Variants in NEXN observed in about 807,000 individuals in gnomAD.
NEXN encodes the protein nexilin F-actin binding protein.
In NEXN, 65 loss-of-function variants were observed where a neutral mutation model predicts 92.6. The ratio of observed to expected loss-of-function variants is 0.70; its 90% CI spans 0.57 to 0.86. NEXN has a LOEUF of 0.86. Among genes scored for constraint, NEXN ranks in the 40% least tolerant of loss-of-function variants. NEXN has a pLI of 0.00. For synonymous variants in NEXN, 254 were observed against 242.5 expected (o/e 1.05, Z -0.44); for missense variants, 778 against 771.1 (o/e 1.01, Z -0.11).
rs1649868049 is a variant in NEXN, at chr1:77,926,625, T to G, written c.687+14T>G. ...TCATTAGTTATGGTAAATTTTTGTT[T>G]GTTTGTTTTCTAAGAAACAAATCAA... On this transcript the variant is annotated intron_variant, in intron 7 of 12. Coordinates refer to ENST00000334785, the MANE Select transcript of NEXN (RefSeq NM_144573.4). 6.2e-7 allele frequency: 1 copy of G among 1,613,892 alleles called. No homozygotes were observed. The highest frequency in any genetic ancestry group is 8.5e-7 in the Non-Finnish European group (1 of 1,179,934).
chr1:77,937,086 G>C (rs1650826082), intron 11 of NEXN, among the ~76,000 whole-genome samples: 2 of 138,044 alleles, frequency 1.4e-5, no homozygotes, highest in African/African-American at 6.0e-5. Context: ...GAGGTGGGTG[G>C]GTCACTTGAG....
At chr1:77,936,299 ATT>A (rs1164666813) in intron 11 of NEXN, among the ~76,000 whole-genome samples, 1 of 152,166 alleles carries the variant, frequency 6.6e-6, no homozygotes, top group African/African-American at 2.4e-5. Context: ...GTTCAAAAAT[ATT>A]TTTTGGCTGG....
chr1:77,912,681 A>C (rs1414276959), intron 1 of NEXN, among the ~76,000 whole-genome samples: 3 of 152,246 alleles, frequency 2.0e-5, no homozygotes, highest in African/African-American at 7.2e-5. Flanking sequence ...CAAAGGAGCA[A>C]AGGCAATAAA....
rs747557772 is a variant in NEXN, at chr1:77,942,157, G to A, written c.1608G>A (p.Lys536=). The change falls in exon 12 of 13, where the codon AAG becomes AAA. Residue 536 remains lysine (K), a synonymous_variant. Transcript: ENST00000334785. ...AACAAAGAAGAATTGAAGAACAAAA[G>A]TTACTACGCATGCAGTTTGAACAAA... is the stretch of plus-strand genomic sequence containing the variant. ...EEEQRRIEEQ[K]LLRMQFEQRE... is the part of the protein sequence containing the mutation. 1 of 1,613,762 alleles carries A rather than the reference G, an allele frequency of 6.2e-7. No homozygotes were observed. The highest frequency in any genetic ancestry group is 8.5e-7 in the Non-Finnish European group (1 of 1,179,736).
chr1:77,900,669 C>T (rs1179703921), intron 1 of NEXN, among the ~76,000 whole-genome samples: 3 of 152,184 alleles, frequency 2.0e-5, no homozygotes, highest in Non-Finnish European at 4.4e-5. Flanking sequence ...CTTCATTTAA[C>T]ATGAATGCTT....
At chr1:77,936,571 G>A (rs998660107) in intron 11 of NEXN, among the ~76,000 whole-genome samples, 2 of 152,224 alleles carry the variant, frequency 1.3e-5, no homozygotes, top group African/African-American at 4.8e-5. Context: ...CAAAGTTACA[G>A]TAGTAATTCG....
intron 9 of NEXN, 175 bp from the exon 10 acceptor site, chr1:77,933,107 G>C: frequency 2.0e-6 from 1 of 507,836 alleles, no homozygotes. Flanking sequence ...GTTGTAGTGA[G>C]CTGAGATCAC....
intron 1 of NEXN, among the ~76,000 whole-genome samples, chr1:77,890,693 A>C (rs1647086044): frequency 6.6e-6 from 1 of 152,150 alleles, no homozygotes; most frequent in African/African-American, 2.4e-5. Context: ...GCCTATAATG[A>C]CATACTTCAT....
At chr1:77,917,846 TTAACTA>T (rs1649098209) in intron 3 of NEXN, 89 bp downstream of exon 3, 5 of 1,413,626 alleles carry the variant, frequency 3.5e-6, no homozygotes, top group Admixed American at 1.7e-5. Flanking sequence ...ACATTTCACA[TTAACTA>T]TAACTAAAAT....
chr1:77,895,464 C>T (rs868182400), intron 1 of NEXN, among the ~76,000 whole-genome samples: 8 of 152,158 alleles, frequency 5.3e-5, no homozygotes, highest in African/African-American at 1.4e-4. Context: ...AATTTAGGCT[C>T]ATATTTTATG....
intron 1 of NEXN, among the ~76,000 whole-genome samples, chr1:77,915,293 A>G (rs1483763278): frequency 3.3e-5 from 5 of 152,120 alleles, no homozygotes; most frequent in Non-Finnish European, 5.9e-5. Context: ...AGCCTGGGTG[A>G]CACAGCGAGA....
intron 9 of NEXN, chr1:77,931,941 T>C (rs1414294139): frequency 6.6e-6 from 1 of 151,754 alleles, no homozygotes; most frequent in Non-Finnish European, 1.5e-5. Context: ...AATCTTTTGT[T>C]TTTTTTGAGA....
At chr1:77,930,331 C>T (rs1051231914) in intron 9 of NEXN, among the ~76,000 whole-genome samples, 1 of 152,140 alleles carries the variant, frequency 6.6e-6, no homozygotes. Context: ...CACTAAGTCT[C>T]GTTTATTCTA....
intron 1 of NEXN, among the ~76,000 whole-genome samples, chr1:77,909,821 GA>G (rs1248729952): frequency 1.3e-5 from 2 of 152,018 alleles, no homozygotes; most frequent in Non-Finnish European, 2.9e-5. Flanking sequence ...AACTCTTCCA[GA>G]AAACTAAAGA....
intron 1 of NEXN, among the ~76,000 whole-genome samples, chr1:77,915,528 C>T (rs1009504875): frequency 6.6e-6 from 1 of 152,128 alleles, no homozygotes; most frequent in Non-Finnish European, 1.5e-5. Context: ...ACTCGGGAGG[C>T]TGAAGTGGGA....
rs1311478215 is a variant in NEXN at position 77,892,068 on chromosome 1, G to C, written c.-53+3309G>C. On this transcript the variant is annotated intron_variant, in intron 1 of 12. Transcript: ENST00000334785. ...ACTGCACTCCAGCCTAAGCAACAGA[G>C]TGAGGCTCTGTGTCAAAAAAAAAAA... 2.6e-5 allele frequency among the ~76,000 whole-genome samples: 4 copies of C among 151,468 alleles called. No homozygotes were observed. The South Asian group carries it at 6.2e-4, about 24-fold the overall frequency.
chr1:77,935,806 AT>A lies in NEXN; in HGVS notation c.1252-15del, dbSNP rs779517170. 3 of 1,603,294 alleles carry A rather than the reference AT, an allele frequency of 1.9e-6. No homozygotes were observed. In the African/African-American group the frequency reaches 4.0e-5, roughly 21 times the overall value. On this transcript the variant is annotated splice_polypyrimidine_tract_variant and intron_variant, in intron 10 of 12. Transcript: ENST00000334785. ...TCTCAAAAACAGCAGCAACAAACTTATTAATTTTTTTTGAAGGAAGAGGAAG... is the reference window on the plus strand; with the variant it reads ...TCTCAAAAACAGCAGCAACAAACTTATAATTTTTTTTGAAGGAAGAGGAAG...
intron 5 of NEXN, among the ~76,000 whole-genome samples, chr1:77,920,477 T>G (rs1376718952): frequency 1.3e-5 from 2 of 152,006 alleles, no homozygotes; most frequent in East Asian, 3.9e-4. Flanking sequence ...AAATGAGAGC[T>G]GGACATGGTG....
chr1:77,926,423 G>A lies in NEXN; in HGVS notation c.499G>A (p.Asp167Asn), dbSNP rs770715323. Reference sequence around the variant, plus strand: ...CTATTTTATAAAATAGGAAGGAGATGATTCACTACTTATAACTGTGGTACC... The same window carrying A: ...CTATTTTATAAAATAGGAAGGAGATAATTCACTACTTATAACTGTGGTACC... ...GTESASEEGD[D>N]SLLITVVPVK... is the part of the protein sequence containing the mutation. Residue 167 changes from aspartate to asparagine, a missense_variant, in exon 7 of 13, where the codon GAT becomes AAT. Asp to Asn is a conservative substitution (Grantham distance 23). Coordinates refer to ENST00000334785, the MANE Select transcript of NEXN (RefSeq NM_144573.4). The A allele has an allele frequency of 6.3e-7, 1 of 1,594,718 alleles. No individual in the cohort carries two copies.
Sources: gnomAD v4.1 joint callset for allele counts (sites outside exome capture counted in the v4.1 genomes callset) on GRCh38, gnomAD v4.1.1 for gene constraint, MANE v1.5 for transcripts, NCBI Gene and HGNC (gene_info 2026-07-23, HGNC 2026-07-21) for gene names.